GYS1: variants seen among roughly 807,000 people sequenced by gnomAD.
GYS1 encodes glycogen [starch] synthase, muscle.
Under a neutral mutation model 89.1 loss-of-function variants are expected in GYS1, and 60 were observed. The ratio of observed to expected loss-of-function variants is 0.67; its 90% CI spans 0.55 to 0.84. The LOEUF (loss-of-function observed/expected upper bound fraction) is 0.84, where lower values mean the gene tolerates loss of function less well. GYS1 is among the 40% of genes least tolerant of loss of function. GYS1 has a pLI of 0.00. For synonymous variants in GYS1, 366 were observed against 401.7 expected, an observed-to-expected ratio of 0.91 and a Z score of 1.06; for missense variants, 888 against 1,003.1, an observed-to-expected ratio of 0.89 and a Z score of 1.55.
At chr19:48,974,444 CA>C in intron 11 of GYS1, 105 bp from the exon 12 acceptor site, 1 of 1,330,246 alleles carries the variant, frequency 7.5e-7, no homozygotes, top group Non-Finnish European at 1.1e-6. Flanking sequence ...CATCACACAG[CA>C]TGTGTTTGGC....
rs529226757 is a variant in GYS1, at chr19:48,970,379, C to G, written c.1809+167G>C. ...ATGCGATCCTTCCTGTTAGGCCTCC[C>G]AAAGTGCTGGGATTACAACCATGAG... On this transcript the variant is annotated intron_variant, in intron 14 of 15. Coordinates refer to ENST00000323798, the MANE Select transcript of GYS1 (RefSeq NM_002103.5). 14 of 646,410 alleles carry G rather than the reference C, an allele frequency of 2.2e-5. No homozygotes were observed. In the East Asian group the frequency reaches 3.0e-4, roughly 14 times the overall value. 40.0% of individuals were successfully genotyped at this position (646,410 alleles called of 1,614,324 possible). A position where few individuals can be genotyped will look rare whatever the true frequency, so the allele number is the denominator to read the frequency against.
intron 10 of GYS1, among the ~76,000 whole-genome samples, chr19:48,976,146 C>T (rs937721258): frequency 6.6e-6 from 1 of 151,988 alleles, no homozygotes; most frequent in African/African-American, 2.4e-5. Flanking sequence ...ACTACAACTC[C>T]CAGCATCCCG....
intron 10 of GYS1, among the ~76,000 whole-genome samples, chr19:48,976,701 A>T (rs1255532450): frequency 6.6e-6 from 1 of 152,130 alleles, no homozygotes; most frequent in Non-Finnish European, 1.5e-5. Flanking sequence ...AGCAAGGCCC[A>T]AGGAGAGCTG....
Position 48,970,471 on chromosome 19 carries a change from C to CT in GYS1, c.1809+74dup, listed in dbSNP as rs1476092470. 7 of 1,255,112 alleles carry CT rather than the reference C, an allele frequency of 5.6e-6. No individual in the cohort carries two copies. The Admixed American group carries it at 8.6e-5, about 15-fold the overall frequency. The allele number at this position is 1,255,112 out of a possible 1,614,324, so 77.7% of individuals were successfully genotyped here. ...CAACTGTTACAAGTAGGATGAGACC[C>CT]TGCACCCTGCACCAAAGACCCCTAG... On this transcript the variant is annotated intron_variant, in intron 14 of 15. Transcript: ENST00000323798.
At chr19:48,978,771 G>A (rs2122494237) in intron 8 of GYS1, among the ~76,000 whole-genome samples, 1 of 152,206 alleles carries the variant, frequency 6.6e-6, no homozygotes, top group South Asian at 2.1e-4. Context: ...ACCTCTGGCT[G>A]GTAATTGGCC....
intron 9 of GYS1, 34 bp from the exon 10 acceptor site, chr19:48,978,036 G>T: frequency 6.2e-7 from 1 of 1,608,772 alleles, no homozygotes; most frequent in South Asian, 1.1e-5. Context: ...ATGTGAGAAC[G>T]GAGTAATGAG....
chr19:48,977,903 G>A (rs756353485), intron 10 of GYS1, 21 bp downstream of exon 10: 2 of 1,592,020 alleles, frequency 1.3e-6, no homozygotes, highest in East Asian at 2.2e-5. Flanking sequence ...CTATCTCTCT[G>A]CACAGAGGTC....
intron 10 of GYS1, among the ~76,000 whole-genome samples, chr19:48,975,240 T>C (rs942572157): frequency 6.6e-6 from 1 of 151,430 alleles, no homozygotes; most frequent in Non-Finnish European, 1.5e-5. Context: ...CTAATTTTTT[T>C]TTTTTTTTTT....
At chr19:48,976,386 A>G (rs117093682) in intron 10 of GYS1, among the ~76,000 whole-genome samples, 22 of 152,116 alleles carry the variant, frequency 1.4e-4, no homozygotes, top group Non-Finnish European at 2.8e-4. Flanking sequence ...ATGCCCCAGA[A>G]AGCCAGCAGG....
rs1004002299 is a variant in GYS1, at chr19:48,968,807, G to A, written c.*481C>T. 1.1e-5 allele frequency: 5 copies of A among 455,632 alleles called. No individual in the cohort carries two copies. Among genetic ancestry groups the A allele is most frequent in the African/African-American group, 4.0e-5 (2 of 50,102 alleles). 28.2% of individuals were successfully genotyped at this position (455,632 alleles called of 1,614,324 possible). A position where few individuals can be genotyped will look rare whatever the true frequency, so the allele number is the denominator to read the frequency against. ...TCTCAGTTACCTTCAAACTCTGAAA[G>A]TGCCCCGGCTCTGGACTTGATCGCC... is the stretch of plus-strand genomic sequence containing the variant. On this transcript the variant is annotated 3_prime_UTR_variant, in exon 16 of 16. Coordinates refer to ENST00000323798, the MANE Select transcript of GYS1 (RefSeq NM_002103.5).
chr19:48,969,696 C>T, intron 15 of GYS1, 79 bp downstream of exon 15: 6 of 1,576,786 alleles, frequency 3.8e-6, no homozygotes, highest in Non-Finnish European at 5.2e-6. Context: ...CTAGGCCTTC[C>T]CACTCCAGGA....
At position 48,982,346 on chromosome 19, in the gene GYS1, A is replaced by G; in HGVS notation, c.971T>C (p.Leu324Ser). 1 of 1,613,860 alleles carries G rather than the reference A, an allele frequency of 6.2e-7. No individual in the cohort carries two copies. Among genetic ancestry groups the G allele is most frequent in the Non-Finnish European group, 8.5e-7 (1 of 1,179,858 alleles). Residue 324 changes from leucine to serine, a missense_variant, in exon 7 of 16, where the codon TTA becomes TCA. Coordinates refer to ENST00000323798, the MANE Select transcript of GYS1 (RefSeq NM_002103.5). Reference protein sequence around the residue: ...GHLDFNLDKTLYFFIAGRYEF... With the variant: ...GHLDFNLDKTSYFFIAGRYEF... ...ATAGCGGCCGGCGATAAAGAAGTAT[A>G]AGGTCTTGTCCAAGTTGAAGTCCAG...
chr19:48,980,216 CTCCCTCG>C (rs1490055936), intron 8 of GYS1, among the ~76,000 whole-genome samples: 10 of 152,234 alleles, frequency 6.6e-5, no homozygotes, highest in Admixed American at 6.5e-4. Context: ...ACAGGGCTTG[CTCCCTCG>C]TCACCTTTCC....
intron 10 of GYS1, 83 bp downstream of exon 10, chr19:48,977,841 C>A: frequency 1.0e-6 from 1 of 999,962 alleles, no homozygotes; most frequent in South Asian, 1.3e-5. Flanking sequence ...TCCCAGCAAT[C>A]TCTGGGGTCT....
At chr19:48,979,336 C>CTTTTCTTTT (rs2038712106) in intron 8 of GYS1, among the ~76,000 whole-genome samples, 1 of 92,770 alleles carries the variant, frequency 1.1e-5, no homozygotes, top group African/African-American at 3.8e-5. Context: ...TTTTTCTTTT[C>CTTTTCTTTT]TTTTTTTTTT....
At position 48,969,525 on chromosome 19, in the gene GYS1, G is replaced by T; in HGVS notation, c.1977C>A (p.Asp659Glu). Residue 659 changes from aspartate to glutamate, a missense_variant, in exon 16 of 16, where the codon GAC becomes GAA. Physicochemically the swap from Asp to Glu is conservative, Grantham distance 45. Transcript: ENST00000323798. ...GCGGCCCGTTCCGGGGATCCTCCTCGTCCTCACTCTGGTGCGGGCTGGAGT... is the reference window on the plus strand; with the variant it reads ...GCGGCCCGTTCCGGGGATCCTCCTCTTCCTCACTCTGGTGCGGGCTGGAGT... ...SRHSSPHQSE[D>E]EEDPRNGPLE... is the part of the protein sequence containing the mutation. 2 of 1,543,108 alleles carry T rather than the reference G, an allele frequency of 1.3e-6. No homozygotes were observed. The highest frequency in any genetic ancestry group is 2.1e-4 in the Middle Eastern group (1 of 4,742).
intron 3 of GYS1, among the ~76,000 whole-genome samples, chr19:48,986,408 C>CA (rs1407231880): frequency 1.3e-5 from 2 of 152,048 alleles, no homozygotes; most frequent in African/African-American, 4.8e-5. Flanking sequence ...CCAACATTGG[C>CA]AAAGGGACTA....
rs886054571 is a variant in GYS1, at chr19:48,981,554, C to T, written c.1145G>A (p.Gly382Asp). Residue 382 changes from glycine to aspartate, a missense_variant, in exon 8 of 16, where the codon GGC (glycine) becomes GAC (aspartate). By Grantham distance (94) the Gly-to-Asp change is moderately conservative. Transcript: ENST00000323798. ...CCAAAGCTGTTTGCGCACAGCTTGG[C>T]CTTTGAGGGTTTCCACGTTGAAATT... ...TNNFNVETLK[G>D]QAVRKQLWDT... is the part of the protein sequence containing the mutation. 1 of 1,611,966 alleles carries T rather than the reference C, an allele frequency of 6.2e-7. No homozygotes were observed. Among genetic ancestry groups the T allele is most frequent in the Non-Finnish European group, 8.5e-7 (1 of 1,178,054 alleles).
rs373111758 is a variant in GYS1 at position 48,969,599 on chromosome 19, G to T, written c.1903C>A (p.Arg635Ser). ...GGCACCGAGGCTGGCCGTGGGTAGC[G>T]GTACCCCTGGGCCTGCATACGGCGA... The part of the protein sequence containing the change: ...PNEADAAQGY[R>S]YPRPASVPPS... The change falls in exon 16 of 16, where the codon CGC (arginine) becomes AGC (serine). Residue 635 changes from arginine to serine, a missense_variant. Physicochemically the swap from Arg to Ser is moderately radical, Grantham distance 110 (BLOSUM62 -1). Coordinates refer to ENST00000323798, the MANE Select transcript of GYS1 (RefSeq NM_002103.5). 1.3e-6 allele frequency: 2 copies of T among 1,538,788 alleles called. No individual in the cohort carries two copies. Among genetic ancestry groups the T allele is most frequent in the South Asian group, 2.4e-5 (2 of 84,670 alleles).
Sources: allele counts gnomAD v4.1 joint callset (sites outside exome capture counted in the v4.1 genomes callset), GRCh38; gene constraint gnomAD v4.1.1; transcripts MANE v1.5; gene names NCBI Gene and HGNC (gene_info 2026-07-23, HGNC 2026-07-21).